Variants in PDPR observed in about 807,000 individuals in gnomAD.
PDPR encodes pyruvate dehydrogenase phosphatase regulatory subunit, mitochondrial.
Under a neutral mutation model 102.2 loss-of-function variants are expected in PDPR, and 50 were observed. The ratio of observed to expected loss-of-function variants is 0.49; its 90% CI spans 0.39 to 0.62. PDPR has a LOEUF of 0.62. PDPR is among the 20% of genes least tolerant of loss of function. The pLI is 0.00. For synonymous variants in PDPR, 259 were observed against 406.0 expected (o/e 0.64, Z 4.35); for missense variants, 625 against 1,098.2 (o/e 0.57, Z 6.09).
chr16:70,149,268 A>C (rs1966508395), intron 17 of PDPR, among the ~76,000 whole-genome samples: 1 of 145,140 alleles, frequency 6.9e-6, no homozygotes. Flanking sequence ...TTCACTTCAC[A>C]ATTTTTTTTT....
rs200442549 is a variant in PDPR at position 70,148,450 on chromosome 16, C to T, written c.1963-14C>T. The T allele has an allele frequency of 1.2e-6, 2 of 1,605,542 alleles. No homozygotes were observed. ...TGTGAGTGCCCAGGCTGACTGCTGC[C>T]TTTGTCCCTGCAGGAGATGAGTGTG... On this transcript the variant is annotated splice_polypyrimidine_tract_variant and intron_variant, in intron 16 of 18. Coordinates refer to ENST00000288050, the MANE Select transcript of PDPR (RefSeq NM_017990.5).
At chr16:70,146,342 G>A (rs1204071977) in intron 16 of PDPR, 114 bp downstream of exon 16, 5 of 1,538,928 alleles carry the variant, frequency 3.2e-6, no homozygotes, top group Admixed American at 3.5e-5. Flanking sequence ...GTCTTGGCTG[G>A]GTGAGGTGGC....
intron 18 of PDPR, 145 bp from the exon 19 acceptor site, chr16:70,156,330 A>C: frequency 1.0e-6 from 1 of 993,924 alleles, no homozygotes; most frequent in Non-Finnish European, 1.5e-6. Flanking sequence ...TAGAAATCGC[A>C]CAGTTTCCCA....
rs527362080 is a variant in PDPR, at chr16:70,126,553, C to T, written c.228-707C>T. Reference sequence around the variant, plus strand: ...TAATTTTTTGTATTTTTTGTAGAGACGGGGTTTCACTGTGTTAGCCAAGAT... The same window carrying T: ...TAATTTTTTGTATTTTTTGTAGAGATGGGGTTTCACTGTGTTAGCCAAGAT... On this transcript the variant is annotated intron_variant, in intron 3 of 18. Coordinates refer to ENST00000288050, the MANE Select transcript of PDPR (RefSeq NM_017990.5). Among the ~76,000 whole-genome samples the T allele has an allele frequency of 3.3e-5, 5 of 152,326 alleles. No homozygotes were observed. The South Asian group carries it at 6.2e-4, about 19-fold the overall frequency.
At chr16:70,140,143 C>T (rs1292837573) in intron 11 of PDPR, among the ~76,000 whole-genome samples, 2 of 152,238 alleles carry the variant, frequency 1.3e-5, no homozygotes, top group Non-Finnish European at 2.9e-5. Flanking sequence ...TGAGACCAGC[C>T]TAGGCAACGT....
At chr16:70,131,858 G>T in intron 8 of PDPR, 3 of 1,422,396 alleles carry the variant, frequency 2.1e-6, no homozygotes, top group Admixed American at 2.1e-5. Flanking sequence ...TTAAACTTTC[G>T]CTTGGCACAG....
At position 70,153,399 on chromosome 16, in the gene PDPR, G is replaced by A. The variant is rs756933377; in HGVS notation, c.2061G>A (p.Leu687=). 2.5e-5 allele frequency: 40 copies of A among 1,613,242 alleles called. No individual in the cohort carries two copies. Among genetic ancestry groups the A allele is most frequent in the Non-Finnish European group, 3.4e-6 (4 of 1,179,612 alleles). ...TCTGTCTCTTCCTATAGTACGCCCT[G>A]CATGTATACAATGAAGTGATGAGTG... ...FMLYIPIEYA[L]HVYNEVMSVG... The change falls in exon 18 of 19, where the codon CTG becomes CTA. Residue 687 remains leucine, a synonymous_variant. Coordinates refer to ENST00000288050, the MANE Select transcript of PDPR (RefSeq NM_017990.5).
At chr16:70,148,796 C>T (rs1304216938) in intron 17 of PDPR, among the ~76,000 whole-genome samples, 1 of 152,236 alleles carries the variant, frequency 6.6e-6, no homozygotes, top group Non-Finnish European at 1.5e-5. Context: ...AAGTATTTGG[C>T]GCCGTCTGAT....
At chr16:70,154,496 C>G (rs1233354039) in intron 18 of PDPR, among the ~76,000 whole-genome samples, 3 of 152,274 alleles carry the variant, frequency 2.0e-5, no homozygotes, top group Non-Finnish European at 4.4e-5. Flanking sequence ...CAAAAAAACC[C>G]ACTTATTTCT....
At chr16:70,119,924 G>T (rs76946892) in intron 2 of PDPR, among the ~76,000 whole-genome samples, 52,839 of 143,610 alleles carry the variant, frequency 0.37, 10,184 homozygotes, top group Non-Finnish European at 0.4. Context: ...TTGTTTGTTT[G>T]TTTTTTTTTT....
chr16:70,140,207 G>A (rs1479492072), intron 11 of PDPR, among the ~76,000 whole-genome samples: 3 of 152,218 alleles, frequency 2.0e-5, no homozygotes, highest in African/African-American at 7.2e-5. Context: ...CATGCCTAGT[G>A]GCACACACCT....
intron 2 of PDPR, among the ~76,000 whole-genome samples, chr16:70,115,282 C>G: frequency 6.6e-6 from 1 of 152,082 alleles, no homozygotes; most frequent in East Asian, 1.9e-4. Flanking sequence ...CGCCACCACG[C>G]CCGGCTAATT....
intron 10 of PDPR, among the ~76,000 whole-genome samples, chr16:70,136,772 T>C (rs1279698701): frequency 7.9e-5 from 12 of 152,210 alleles, no homozygotes. Context: ...TTAGACAGTC[T>C]TGCTCTGTCA....
intron 10 of PDPR, among the ~76,000 whole-genome samples, chr16:70,138,029 T>A (rs1269030858): frequency 6.9e-6 from 1 of 145,420 alleles, no homozygotes; most frequent in African/African-American, 2.6e-5. Context: ...TGTGCCACCA[T>A]ACCCAGCTCT....
Position 70,156,612 on chromosome 16 carries a change from G to T in PDPR, c.2373G>T (p.Arg791=), listed in dbSNP as rs774373060. 5 of 1,613,980 alleles carry T rather than the reference G, an allele frequency of 3.1e-6. No homozygotes were observed. The highest frequency in any genetic ancestry group is 4.2e-6 in the Non-Finnish European group (5 of 1,179,918). Residue 791 remains arginine, a synonymous_variant, in exon 19 of 19, where the codon CGG becomes CGT. Coordinates refer to ENST00000288050, the MANE Select transcript of PDPR (RefSeq NM_017990.5). The stretch of plus-strand genomic sequence containing the variant: ...CTTGGTGGGGAGAGCCCATTTACCG[G>T]AATGGGCAGTATGTTGGCAAGACCA... ...LWPWWGEPIY[R]NGQYVGKTTS...
At chr16:70,118,158 AAG>A (rs1962846387) in intron 2 of PDPR, among the ~76,000 whole-genome samples, 1 of 142,710 alleles carries the variant, frequency 7.0e-6, no homozygotes, top group East Asian at 2.0e-4. Flanking sequence ...AGGTACATGA[AAG>A]AGAGATAGCA....
chr16:70,147,689 G>A, intron 16 of PDPR: 1 of 446,424 alleles, frequency 2.2e-6, no homozygotes, highest in Non-Finnish European at 4.5e-6. Context: ...TACTGATGGA[G>A]ACTCTTTGAA....
intron 9 of PDPR, among the ~76,000 whole-genome samples, chr16:70,133,421 C>CTTT (rs1162339028): frequency 2.9e-5 from 3 of 103,732 alleles, no homozygotes; most frequent in South Asian, 3.4e-4. Flanking sequence ...TGCGTCTGGC[C>CTTT]TTTTTTTTTT....
chr16:70,154,359 C>G (rs182926665), intron 18 of PDPR, among the ~76,000 whole-genome samples: 2 of 152,182 alleles, frequency 1.3e-5, no homozygotes, highest in East Asian at 3.9e-4. Context: ...ATAGATGACA[C>G]TTGGTCAGGT....
Sources: allele counts gnomAD v4.1 joint callset (sites outside exome capture counted in the v4.1 genomes callset), GRCh38; gene constraint gnomAD v4.1.1; transcripts MANE v1.5; gene names NCBI Gene and HGNC (gene_info 2026-07-23, HGNC 2026-07-21).